Variants in PTPRD observed in about 807,000 individuals in gnomAD.
PTPRD encodes receptor-type tyrosine-protein phosphatase delta.
Under a neutral mutation model 214.5 loss-of-function variants are expected in PTPRD, and 34 were observed. That is an observed-to-expected ratio of 0.16 (90% CI 0.12 to 0.21). The LOEUF (loss-of-function observed/expected upper bound fraction) is 0.21. PTPRD is among the 10% of genes least tolerant of loss of function. PTPRD has a pLI of 1.00. For synonymous variants in PTPRD, 1,128 were observed against 845.7 expected, an observed-to-expected ratio of 1.33 and a Z score of -5.79; for missense variants, 2,545 against 2,398.7, an observed-to-expected ratio of 1.06 and a Z score of -1.27.
At chr9:9,544,652 T>C (rs2154276574) in intron 8 of PTPRD, among the ~76,000 whole-genome samples, 1 of 151,836 alleles carries the variant, frequency 6.6e-6, no homozygotes. Flanking sequence ...ACTTTTTGCT[T>C]TCATACAAAT....
chr9:8,649,459 T>C (rs1043213687), intron 12 of PTPRD, among the ~76,000 whole-genome samples: 1 of 152,220 alleles, frequency 6.6e-6, no homozygotes, highest in African/African-American at 2.4e-5. Context: ...CAAGATACTT[T>C]GGGAAGTGAA....
At chr9:9,542,180 A>C (rs1008603415) in intron 8 of PTPRD, among the ~76,000 whole-genome samples, 1 of 151,808 alleles carries the variant, frequency 6.6e-6, no homozygotes, top group Non-Finnish European at 1.5e-5. Context: ...GGGAAGAAAG[A>C]TTATCGCAAC....
intron 4 of PTPRD, among the ~76,000 whole-genome samples, chr9:10,026,383 A>T (rs2096923708): frequency 6.6e-6 from 1 of 152,206 alleles, no homozygotes; most frequent in Non-Finnish European, 1.5e-5. Flanking sequence ...ACTGGAAATA[A>T]ACTGACATTG....
chr9:9,116,543 C>G (rs542370243), intron 10 of PTPRD, among the ~76,000 whole-genome samples: 34 of 152,172 alleles, frequency 2.2e-4, no homozygotes, highest in Admixed American at 1.0e-3. Flanking sequence ...GATGGGTACA[C>G]TAAAAGCCCA....
chr9:9,855,741 G>C (rs966888344), intron 5 of PTPRD, among the ~76,000 whole-genome samples: 2 of 152,174 alleles, frequency 1.3e-5, no homozygotes, highest in Non-Finnish European at 2.9e-5. Flanking sequence ...ACACTTTTGG[G>C]AGCTGGGAGG....
rs76558093 is a variant in PTPRD at position 8,451,529 on chromosome 9, G to T, written c.3876-1692C>A. Among the ~76,000 whole-genome samples, 483 of 152,324 alleles carry T rather than the reference G, an allele frequency of 3.2e-3. 4 individuals carry two copies. Among genetic ancestry groups the T allele is most frequent in the African/African-American group, 0.011 (464 of 41,566 alleles). The stretch of plus-strand genomic sequence containing the variant: ...ATGCGAAAGGAGGACATGATGGCCA[G>T]TTTCAGAGTAGGCAATGTCACTGTG... On this transcript the variant is annotated intron_variant, in intron 33 of 45. Coordinates refer to ENST00000381196, the MANE Select transcript of PTPRD (RefSeq NM_002839.4).
intron 44 of PTPRD, among the ~76,000 whole-genome samples, chr9:8,325,581 C>G (rs1417724833): frequency 1.3e-5 from 2 of 148,918 alleles, no homozygotes; most frequent in African/African-American, 2.5e-5. Context: ...TTTTTTGGTT[C>G]CATGTCAAAT....
chr9:8,500,683 G>A (rs1592129663), intron 24 of PTPRD, 71 bp downstream of exon 24: 4 of 1,426,260 alleles, frequency 2.8e-6, no homozygotes, highest in Non-Finnish European at 3.8e-6. Flanking sequence ...AGATTACTGT[G>A]AGCCTATTGA....
intron 12 of PTPRD, among the ~76,000 whole-genome samples, chr9:8,683,802 T>C (rs189266779): frequency 6.6e-6 from 1 of 152,306 alleles, no homozygotes; most frequent in Admixed American, 6.5e-5. Flanking sequence ...CTTCTGGCAG[T>C]CTTCATTCTG....
At chr9:9,197,026 G>C (rs999109142) in intron 9 of PTPRD, among the ~76,000 whole-genome samples, 10 of 152,062 alleles carry the variant, frequency 6.6e-5, no homozygotes, top group African/African-American at 2.2e-4. Flanking sequence ...TAATAACATT[G>C]TCAAAACCCA....
intron 9 of PTPRD, among the ~76,000 whole-genome samples, chr9:9,210,513 CT>C (rs2099947847): frequency 2.0e-5 from 3 of 152,088 alleles, no homozygotes; most frequent in Admixed American, 6.5e-5. Context: ...AACTTTTGAA[CT>C]TTATTATAAA....
chr9:10,140,423 A>G (rs2098975858), intron 3 of PTPRD, among the ~76,000 whole-genome samples: 1 of 152,034 alleles, frequency 6.6e-6, no homozygotes, highest in African/African-American at 2.4e-5. Flanking sequence ...GGATATCACC[A>G]CCGATCCCAC....
intron 2 of PTPRD, among the ~76,000 whole-genome samples, chr9:10,611,849 C>T (rs1232142948): frequency 6.6e-6 from 1 of 151,922 alleles, no homozygotes; most frequent in African/African-American, 2.4e-5. Flanking sequence ...ATGAAGAAAT[C>T]GCAACAGAAT....
At chr9:8,699,529 C>G (rs1045834660) in intron 12 of PTPRD, among the ~76,000 whole-genome samples, 1 of 152,080 alleles carries the variant, frequency 6.6e-6, no homozygotes, top group African/African-American at 2.4e-5. Flanking sequence ...TAAACTGACT[C>G]CATTGGACAA....
chr9:9,309,723 T>A (rs1368494905), intron 9 of PTPRD, among the ~76,000 whole-genome samples: 1 of 152,224 alleles, frequency 6.6e-6, no homozygotes, highest in Non-Finnish European at 1.5e-5. Context: ...GGTACAACGT[T>A]ATTCTGCTAA....
intron 7 of PTPRD, among the ~76,000 whole-genome samples, chr9:9,646,344 G>GCT (rs1231408076): frequency 1.6e-4 from 22 of 134,978 alleles, no homozygotes; most frequent in African/African-American, 6.5e-4. Context: ...TGTGTGTGTG[G>GCT]GTGTGTGTGT....
intron 7 of PTPRD, among the ~76,000 whole-genome samples, chr9:9,576,227 A>C (rs1405099196): frequency 3.3e-5 from 5 of 152,212 alleles, no homozygotes; most frequent in East Asian, 1.9e-4. Context: ...TGAAGGAATA[A>C]TACTTCATTC....
intron 11 of PTPRD, among the ~76,000 whole-genome samples, chr9:8,836,866 G>T (rs2097437069): frequency 6.6e-6 from 1 of 151,802 alleles, no homozygotes; most frequent in South Asian, 2.1e-4. Context: ...ACTAGTAGCA[G>T]ACTCCTCCCT....
intron 10 of PTPRD, among the ~76,000 whole-genome samples, chr9:9,087,877 TC>T (rs1481236559): frequency 2.6e-5 from 3 of 116,868 alleles, no homozygotes; most frequent in African/African-American, 9.9e-5. Context: ...AGCCCTAAAC[TC>T]TTTTTTTTTT....
Sources: gnomAD v4.1 joint callset for allele counts (sites outside exome capture counted in the v4.1 genomes callset) on GRCh38, gnomAD v4.1.1 for gene constraint, MANE v1.5 for transcripts, NCBI Gene and HGNC (gene_info 2026-07-23, HGNC 2026-07-21) for gene names.